Variants in FNIP2 observed in about 807,000 individuals in gnomAD.
FNIP2 encodes folliculin interacting protein 2.
FNIP2 carries 32 observed loss-of-function variants against 108.7 expected under a neutral mutation model. The ratio of observed to expected loss-of-function variants is 0.29; its 90% CI spans 0.22 to 0.40. The LOEUF is 0.40. Ranked by LOEUF, FNIP2 falls within the 10% of genes least tolerant of loss-of-function variation. FNIP2 has a pLI of 1.00. For missense variants in FNIP2, 1,202 were observed against 1,381.6 expected, an observed-to-expected ratio of 0.87 and a Z score of 2.06; for synonymous variants, 480 against 496.7, an observed-to-expected ratio of 0.97 and a Z score of 0.45.
intron 1 of FNIP2, among the ~76,000 whole-genome samples, chr4:158,780,212 A>G (rs1218598180): frequency 6.6e-6 from 1 of 151,872 alleles, no homozygotes; most frequent in Non-Finnish European, 1.5e-5. Context: ...TGTCTCAGAA[A>G]AAAAAAAAGG....
chr4:158,895,912 T>C (rs904828002), intron 16 of FNIP2, 47 bp downstream of exon 16: 3 of 1,366,162 alleles, frequency 2.2e-6, no homozygotes, highest in Non-Finnish European at 3.1e-6. Context: ...TAGGTATCCC[T>C]AGCATTGTAC....
intron 7 of FNIP2, among the ~76,000 whole-genome samples, 164 bp from the exon 8 acceptor site, chr4:158,851,157 C>T (rs917519915): frequency 2.6e-5 from 4 of 151,932 alleles, no homozygotes; most frequent in Non-Finnish European, 4.4e-5. Context: ...AAGGTAATTG[C>T]GGGTTTTGTC....
chr4:158,864,730 C>A (rs1170493506), intron 12 of FNIP2, among the ~76,000 whole-genome samples: 2 of 151,792 alleles, frequency 1.3e-5, no homozygotes, highest in Non-Finnish European at 1.5e-5. Flanking sequence ...CTCAACAGTT[C>A]TTTCCTTTCT....
rs760485864 is a variant in FNIP2, at chr4:158,859,072, A to T, written c.873A>T (p.Thr291=). The part of the protein sequence containing the change: ...GIIPRRSTDE[T]FSLAEETCSS... ...TTCCCTCCAGGTCAACTGATGAGAC[A>T]TTCAGCTTGGCTGAAGAAACCTGTA... is the stretch of plus-strand genomic sequence containing the variant. The change falls in exon 9 of 17, where the codon ACA becomes ACT. Residue 291 remains threonine, a synonymous_variant. Coordinates refer to ENST00000264433, the MANE Select transcript of FNIP2 (RefSeq NM_020840.3). The T allele has an allele frequency of 3.1e-6, 5 of 1,613,944 alleles. No individual in the cohort carries two copies. The African/African-American group carries it at 6.7e-5, about 21-fold the overall frequency.
chr4:158,841,361 A>G (rs1779122700), intron 7 of FNIP2, among the ~76,000 whole-genome samples: 2 of 152,176 alleles, frequency 1.3e-5, no homozygotes. Flanking sequence ...CAGAAAGGGA[A>G]GAGGGAGAGG....
At position 158,819,496 on chromosome 4, in the gene FNIP2, CAGT is replaced by C. The variant is rs1254376860; in HGVS notation, c.108-6419_108-6417del. 2.6e-5 allele frequency among the ~76,000 whole-genome samples: 4 copies of C among 152,330 alleles called. No individual in the cohort carries two copies. The South Asian group carries it at 8.3e-4, about 32-fold the overall frequency. Reference sequence around the variant, plus strand: ...TACTCCTGACCACAGGATAGCAACTCAGTGGTGATTTTTTATGCAGTTCCACTG... The same window carrying C: ...TACTCCTGACCACAGGATAGCAACTCGGTGATTTTTTATGCAGTTCCACTG... On this transcript the variant is annotated intron_variant, in intron 1 of 16. Coordinates refer to ENST00000264433, the MANE Select transcript of FNIP2 (RefSeq NM_020840.3).
At chr4:158,839,067 T>C (rs1449618356) in intron 7 of FNIP2, among the ~76,000 whole-genome samples, 1 of 152,218 alleles carries the variant, frequency 6.6e-6, no homozygotes, top group African/African-American at 2.4e-5. Flanking sequence ...TTGGCCTTGA[T>C]TACCTGGCTG....
chr4:158,885,316 CAG>C (rs1781970119), intron 14 of FNIP2, among the ~76,000 whole-genome samples: 1 of 152,148 alleles, frequency 6.6e-6, no homozygotes, highest in Admixed American at 6.5e-5. Flanking sequence ...CAAACCATAT[CAG>C]GGGTCTTATT....
intron 16 of FNIP2, among the ~76,000 whole-genome samples, chr4:158,896,841 G>GTT (rs57097896): frequency 0.29 from 41,810 of 144,724 alleles, 6,621 homozygotes; most frequent in Non-Finnish European, 0.38. Flanking sequence ...TGCCTTATTA[G>GTT]TTTTTTTTTT....
rs74441428 is a variant in FNIP2, at chr4:158,797,928, T to C, written c.108-27988T>C. Among the ~76,000 whole-genome samples, 5 of 152,284 alleles carry C rather than the reference T, an allele frequency of 3.3e-5. No homozygotes were observed. The East Asian group carries it at 9.7e-4, about 29-fold the overall frequency. On this transcript the variant is annotated intron_variant, in intron 1 of 16. Transcript: ENST00000264433. ...TTCTCCCACACCACTGGGAGACCTG[T>C]TACTCCATCACCACATCTGCTTTGA...
At chr4:158,854,949 AT>A (rs1252349561) in intron 8 of FNIP2, among the ~76,000 whole-genome samples, 1 of 152,176 alleles carries the variant, frequency 6.6e-6, no homozygotes, top group Non-Finnish European at 1.5e-5. Context: ...GAAAGTTAGA[AT>A]AGTATTTCTA....
intron 12 of FNIP2, among the ~76,000 whole-genome samples, chr4:158,866,762 A>T (rs1780606617): frequency 1.3e-5 from 2 of 151,798 alleles, no homozygotes; most frequent in Admixed American, 1.3e-4. Flanking sequence ...TTTTTGGCAG[A>T]GACAGGGTTT....
intron 16 of FNIP2, among the ~76,000 whole-genome samples, chr4:158,902,729 TGA>T (rs1729445390): frequency 6.6e-6 from 1 of 152,254 alleles, no homozygotes; most frequent in Non-Finnish European, 1.5e-5. Context: ...GTGGCCTTGC[TGA>T]GAGCTGCAGT....
chr4:158,864,867 C>T (rs530356412), intron 12 of FNIP2, among the ~76,000 whole-genome samples: 7 of 152,178 alleles, frequency 4.6e-5, no homozygotes, highest in African/African-American at 1.7e-4. Flanking sequence ...ACCTCTCTAA[C>T]ATCCCATCTT....
Position 158,832,175 on chromosome 4 carries a change from T to C in FNIP2, c.554+37T>C, listed in dbSNP as rs189075483. The C allele has an allele frequency of 2.3e-3, 3,471 of 1,519,608 alleles. 95 individuals carry two copies. In the Admixed American group the frequency reaches 0.048, roughly 21 times the overall value. 94.1% of individuals were successfully genotyped at this position (1,519,608 alleles called of 1,614,324 possible). ...ATTTTGCATTCCCCACCCCCATTTT[T>C]TAAAGTGTGTATTTCTAGATAGACT... On this transcript the variant is annotated intron_variant, in intron 5 of 16. Coordinates refer to ENST00000264433, the MANE Select transcript of FNIP2 (RefSeq NM_020840.3).
At chr4:158,900,018 A>G (rs1189078999) in intron 16 of FNIP2, among the ~76,000 whole-genome samples, 1 of 152,182 alleles carries the variant, frequency 6.6e-6, no homozygotes, top group African/African-American at 2.4e-5. Context: ...ACTGCTTTAA[A>G]TGTGTCCTAA....
intron 14 of FNIP2, among the ~76,000 whole-genome samples, chr4:158,876,843 A>G (rs1781308540): frequency 6.6e-6 from 1 of 152,148 alleles, no homozygotes; most frequent in Non-Finnish European, 1.5e-5. Context: ...AAGAAACTTA[A>G]AGGGGAAGAG....
rs1305978903 is a variant in FNIP2, at chr4:158,825,986, A to G, written c.178A>G (p.Arg60Gly). Residue 60 changes from arginine to glycine, a missense_variant, in exon 2 of 17, where the codon AGA becomes GGA. Around this residue, in one of 5 missense-constraint regions of FNIP2, gnomAD observed 173 missense variants for 165.9 expected, o/e 1.04. Coordinates refer to ENST00000264433, the MANE Select transcript of FNIP2 (RefSeq NM_020840.3). ...TTACCAGGACTGTGACAGGAGAGGCAGACAAGTCTTGTTTGACTCTAAAGC... is the reference window on the plus strand; with the variant it reads ...TTACCAGGACTGTGACAGGAGAGGCGGACAAGTCTTGTTTGACTCTAAAGC... ...IVYQDCDRRG[R>G]QVLFDSKAVQ... 1 of 1,609,390 alleles carries G rather than the reference A, an allele frequency of 6.2e-7. No homozygotes were observed. Among genetic ancestry groups the G allele is most frequent in the Admixed American group, 1.7e-5 (1 of 59,948 alleles).
intron 8 of FNIP2, among the ~76,000 whole-genome samples, chr4:158,853,676 A>G (rs1172810261): frequency 6.6e-6 from 1 of 152,206 alleles, no homozygotes; most frequent in East Asian, 1.9e-4. Context: ...GGTTATGGAT[A>G]AATTTTTGAT....
Sources: gnomAD v4.1 joint callset for allele counts (sites outside exome capture counted in the v4.1 genomes callset) on GRCh38, gnomAD v4.1.1 for gene constraint, gnomAD v4.1.1 regional missense constraint, MANE v1.5 for transcripts, NCBI Gene and HGNC (gene_info 2026-07-23, HGNC 2026-07-21) for gene names.